PALLD: variants seen among roughly 807,000 people sequenced by gnomAD.
The protein encoded by PALLD is palladin, cytoskeletal associated protein, also known as palladin.
In PALLD, 61 loss-of-function variants were observed where a neutral mutation model predicts 123.5. The observed-to-expected ratio is 0.49, with a 90% CI of 0.40 to 0.61. The LOEUF (loss-of-function observed/expected upper bound fraction) is 0.61. Among genes scored for constraint, PALLD ranks in the 20% least tolerant of loss-of-function variants. The probability of loss-of-function intolerance (pLI) is 0.00; values close to 1 mark genes in which losing one functional copy is unlikely to be tolerated. For synonymous variants in PALLD, 465 were observed against 496.4 expected (o/e 0.94, Z 0.84); for missense variants, 1,273 against 1,377.0 (o/e 0.92, Z 1.20).
intron 2 of PALLD, among the ~76,000 whole-genome samples, chr4:168,540,762 T>A (rs1765530557): frequency 6.6e-6 from 1 of 151,498 alleles, no homozygotes; most frequent in Admixed American, 6.6e-5. Flanking sequence ...GCAAAGGCAC[T>A]CCAAGCCCCC....
At chr4:168,777,543 A>G (rs1735338285) in intron 10 of PALLD, among the ~76,000 whole-genome samples, 1 of 152,234 alleles carries the variant, frequency 6.6e-6, no homozygotes, top group Non-Finnish European at 1.5e-5. Flanking sequence ...TTTTACACAT[A>G]GACTCAGAAT....
At chr4:168,551,475 G>A (rs1056763420) in intron 2 of PALLD, among the ~76,000 whole-genome samples, 2 of 152,064 alleles carry the variant, frequency 1.3e-5, no homozygotes, top group Non-Finnish European at 2.9e-5. Flanking sequence ...TGAGTGCTTG[G>A]TGCATTAGTT....
intron 2 of PALLD, among the ~76,000 whole-genome samples, chr4:168,562,491 G>A (rs567699628): frequency 6.6e-6 from 1 of 152,180 alleles, no homozygotes; most frequent in Non-Finnish European, 1.5e-5. Context: ...AAACAAATAA[G>A]TAAGTAATGT....
chr4:168,776,476 A>G (rs1230113188), intron 10 of PALLD, among the ~76,000 whole-genome samples: 1 of 152,172 alleles, frequency 6.6e-6, no homozygotes, highest in Non-Finnish European at 1.5e-5. Flanking sequence ...CTCCTTTCCA[A>G]ACTAGATGCC....
intron 2 of PALLD, among the ~76,000 whole-genome samples, chr4:168,567,542 G>GGTGTGT (rs61409598): frequency 0.33 from 47,815 of 145,380 alleles, 8,067 homozygotes; most frequent in East Asian, 0.58. Context: ...AAGAAAATGT[G>GGTGTGT]GTGTGTGTGT....
chr4:168,899,171 T>C (rs1169384236), intron 14 of PALLD, among the ~76,000 whole-genome samples: 6 of 152,164 alleles, frequency 3.9e-5, no homozygotes, highest in Non-Finnish European at 8.8e-5. Context: ...TATTAATATT[T>C]ACAGAGGGAG....
intron 10 of PALLD, among the ~76,000 whole-genome samples, chr4:168,790,158 CTT>C (rs1181288734): frequency 7.5e-5 from 10 of 133,516 alleles, no homozygotes; most frequent in Admixed American, 1.5e-4. Context: ...TTTGTGGTTT[CTT>C]TTTTTTTTTT....
At chr4:168,612,890 A>T (rs1304655870) in intron 2 of PALLD, among the ~76,000 whole-genome samples, 1 of 152,130 alleles carries the variant, frequency 6.6e-6, no homozygotes, top group Non-Finnish European at 1.5e-5. Flanking sequence ...TAGAGAACCC[A>T]TGTCTCTGAA....
intron 10 of PALLD, among the ~76,000 whole-genome samples, chr4:168,759,242 TATAG>T (rs1297619832): frequency 1.8e-5 from 2 of 108,708 alleles, no homozygotes; most frequent in African/African-American, 3.8e-5. Context: ...TATATATATA[TATAG>T]AAACAATATA....
intron 10 of PALLD, among the ~76,000 whole-genome samples, chr4:168,790,714 A>C (rs1426408181): frequency 2.0e-5 from 3 of 152,126 alleles, no homozygotes; most frequent in African/African-American, 7.2e-5. Flanking sequence ...GTACCTTTAA[A>C]ATCTGTCAGC....
intron 10 of PALLD, among the ~76,000 whole-genome samples, chr4:168,879,474 C>G (rs1424759689): frequency 1.3e-5 from 2 of 152,124 alleles, no homozygotes; most frequent in Non-Finnish European, 2.9e-5. Context: ...TACTATTGTT[C>G]AGAGAGAAAA....
At chr4:168,505,043 C>T (rs1180929042) in intron 1 of PALLD, 1 of 152,154 alleles carries the variant, frequency 6.6e-6, no homozygotes, top group Admixed American at 6.5e-5. Flanking sequence ...TTGATTTTGA[C>T]CTTTTCATTT....
chr4:168,649,994 T>G lies in PALLD; in HGVS notation c.909-18196T>G, dbSNP rs145287839. On this transcript the variant is annotated intron_variant, in intron 2 of 21. Coordinates refer to ENST00000505667, the MANE Select transcript of PALLD (RefSeq NM_001166108.2). ...TTCGAGACTAGCCTGGCCAACATGGTGAAACCCCATCTCTACTAAAAGTAC... is the reference window on the plus strand; with the variant it reads ...TTCGAGACTAGCCTGGCCAACATGGGGAAACCCCATCTCTACTAAAAGTAC... 5.0e-3 allele frequency among the ~76,000 whole-genome samples: 758 copies of G among 152,002 alleles called. 3 individuals are homozygous for G. Among genetic ancestry groups the G allele is most frequent in the African/African-American group, 0.018 (736 of 41,472 alleles).
intron 2 of PALLD, among the ~76,000 whole-genome samples, chr4:168,570,135 A>C (rs1020040586): frequency 6.6e-6 from 1 of 152,188 alleles, no homozygotes; most frequent in Non-Finnish European, 1.5e-5. Context: ...TACAAAGTAA[A>C]CAACTTACTT....
At chr4:168,638,198 G>A (rs955368972) in intron 2 of PALLD, among the ~76,000 whole-genome samples, 5 of 152,050 alleles carry the variant, frequency 3.3e-5, no homozygotes, top group Admixed American at 6.5e-5. Flanking sequence ...ATATTATGAA[G>A]TAGATATATT....
intron 2 of PALLD, among the ~76,000 whole-genome samples, chr4:168,551,689 TAAAA>T (rs750115802): frequency 2.4e-4 from 35 of 147,004 alleles, no homozygotes; most frequent in Non-Finnish European, 3.0e-4. Flanking sequence ...TTTTTTAAAT[TAAAA>T]AAAAAACAAA....
chr4:168,597,678 T>C (rs1423746490), intron 2 of PALLD, among the ~76,000 whole-genome samples: 1 of 152,128 alleles, frequency 6.6e-6, no homozygotes, highest in Admixed American at 6.6e-5. Flanking sequence ...ATTTTTGATA[T>C]TTGAAAAAGT....
At chr4:168,779,867 C>T (rs999583624) in intron 10 of PALLD, among the ~76,000 whole-genome samples, 22 of 151,488 alleles carry the variant, frequency 1.5e-4, no homozygotes, top group African/African-American at 5.3e-4. Context: ...CTTACTTTTG[C>T]TGTGCCTCTT....
chr4:168,570,463 G>A (rs1268477633), intron 2 of PALLD, among the ~76,000 whole-genome samples: 2 of 152,106 alleles, frequency 1.3e-5, no homozygotes, highest in African/African-American at 4.8e-5. Context: ...TTGCTTAATT[G>A]AGTACAGCAG....
Sources: gnomAD v4.1 joint callset for allele counts (sites outside exome capture counted in the v4.1 genomes callset) on GRCh38, gnomAD v4.1.1 for gene constraint, MANE v1.5 for transcripts, NCBI Gene and HGNC (gene_info 2026-07-23, HGNC 2026-07-21) for gene names.